Variants in TBC1D22A observed in about 807,000 individuals in gnomAD.
TBC1D22A encodes TBC1 domain family member 22A.
Under a neutral mutation model 60.2 loss-of-function variants are expected in TBC1D22A, and 38 were observed. That is an observed-to-expected ratio of 0.63 (90% CI 0.49 to 0.83). TBC1D22A has a LOEUF of 0.83. Among genes scored for constraint, TBC1D22A ranks in the 40% least tolerant of loss-of-function variants. TBC1D22A has a pLI of 0.00. For missense variants in TBC1D22A, 628 were observed against 701.0 expected (o/e 0.90, Z 1.18); for synonymous variants, 302 against 281.7 (o/e 1.07, Z -0.72).
intron 8 of TBC1D22A, among the ~76,000 whole-genome samples, chr22:46,949,820 G>A (rs2072786972): frequency 6.6e-6 from 1 of 152,228 alleles, no homozygotes; most frequent in African/African-American, 2.4e-5. Flanking sequence ...CAGCAGTGAC[G>A]GGAGTGGTGA....
intron 11 of TBC1D22A, among the ~76,000 whole-genome samples, chr22:47,091,483 G>A (rs1366277965): frequency 6.8e-6 from 1 of 147,652 alleles, no homozygotes; most frequent in Non-Finnish European, 1.5e-5. Flanking sequence ...TTGCTGGGGA[G>A]TGGCCTCGTG....
chr22:47,173,517 A>G lies in TBC1D22A; in HGVS notation c.1445A>G (p.Gln482Arg). ...CCCCAGGAGCTGCTGCTCTTCCTCC[A>G]GAACCTGCCCACAGCCCACTGGGAT... ...KDFQELLLFL[Q>R]NLPTAHWDDE... The change falls in exon 13 of 13, where the codon CAG becomes CGG. Residue 482 changes from glutamine (Q) to arginine (R), a missense_variant. By Grantham distance (43) the Gln-to-Arg change is conservative. Coordinates refer to ENST00000337137, the MANE Select transcript of TBC1D22A (RefSeq NM_014346.5). 1 of 1,614,086 alleles carries G rather than the reference A, an allele frequency of 6.2e-7. No individual in the cohort carries two copies. The highest frequency in any genetic ancestry group is 8.5e-7 in the Non-Finnish European group (1 of 1,179,986).
chr22:46,776,128 A>G (rs1189228490), intron 1 of TBC1D22A, among the ~76,000 whole-genome samples: 1 of 152,190 alleles, frequency 6.6e-6, no homozygotes, highest in Non-Finnish European at 1.5e-5. Flanking sequence ...AGGAAAGGGG[A>G]GTTTTCACTG....
chr22:47,110,307 C>G (rs2065800976), intron 11 of TBC1D22A, among the ~76,000 whole-genome samples: 1 of 152,058 alleles, frequency 6.6e-6, no homozygotes. Flanking sequence ...TGGTGAAACC[C>G]CGTCTCTACT....
intron 10 of TBC1D22A, among the ~76,000 whole-genome samples, chr22:47,006,460 G>A (rs575545778): frequency 2.0e-5 from 3 of 152,276 alleles, no homozygotes; most frequent in East Asian, 3.9e-4. Flanking sequence ...GAGGTTGACC[G>A]CCCTGTAGTT....
At chr22:47,162,003 C>G (rs1266329089) in intron 12 of TBC1D22A, among the ~76,000 whole-genome samples, 1 of 152,218 alleles carries the variant, frequency 6.6e-6, no homozygotes, top group Admixed American at 6.5e-5. Context: ...CCGGACACCT[C>G]TCCTGTTCCT....
chr22:46,941,165 A>G (rs1301806542), intron 8 of TBC1D22A, among the ~76,000 whole-genome samples: 1 of 131,728 alleles, frequency 7.6e-6, no homozygotes, highest in African/African-American at 3.0e-5. Context: ...CTTGAACAGC[A>G]TGGGGACTGG....
intron 11 of TBC1D22A, among the ~76,000 whole-genome samples, chr22:47,061,389 G>T (rs980538024): frequency 1.3e-5 from 2 of 152,000 alleles, no homozygotes; most frequent in Non-Finnish European, 2.9e-5. Flanking sequence ...TGCCTTGGTC[G>T]TGGTCCCTGC....
At position 47,173,619 on chromosome 22, in the gene TBC1D22A, A is replaced by G; in HGVS notation, c.1547A>G (p.Lys516Arg). The G allele has an allele frequency of 1.2e-6, 2 of 1,613,668 alleles. No homozygotes were observed. Among genetic ancestry groups the G allele is most frequent in the Non-Finnish European group, 1.7e-6 (2 of 1,179,826 alleles). ...TTTGCCGACGCCCCCAATCACTACA[A>G]GAAATGAGCCCAGGCCCACCCGCAG... ...FAFADAPNHY[K>R]K The change falls in exon 13 of 13, where the codon AAG becomes AGG. Residue 516 changes from lysine (K) to arginine (R), a missense_variant. Coordinates refer to ENST00000337137, the MANE Select transcript of TBC1D22A (RefSeq NM_014346.5).
chr22:46,797,146 G>T (rs948538850), intron 3 of TBC1D22A, among the ~76,000 whole-genome samples: 3 of 152,220 alleles, frequency 2.0e-5, no homozygotes, highest in African/African-American at 7.2e-5. Context: ...GCCACCCCAG[G>T]CACTGGTGGG....
chr22:46,866,571 G>C (rs142215485), intron 4 of TBC1D22A, among the ~76,000 whole-genome samples: 510 of 152,366 alleles, frequency 3.3e-3, no homozygotes, highest in African/African-American at 0.012. Context: ...AGAAATTTAA[G>C]AATAGATATG....
At chr22:47,003,845 A>G (rs1223141570) in intron 10 of TBC1D22A, among the ~76,000 whole-genome samples, 3 of 143,698 alleles carry the variant, frequency 2.1e-5, no homozygotes, top group African/African-American at 7.9e-5. Flanking sequence ...CACCCTACGC[A>G]CACATGCCTG....
intron 8 of TBC1D22A, among the ~76,000 whole-genome samples, chr22:46,927,917 A>G (rs985217261): frequency 1.3e-5 from 2 of 152,244 alleles, no homozygotes; most frequent in African/African-American, 4.8e-5. Context: ...GTTGAAATAA[A>G]TTAAAGAGGA....
chr22:47,090,524 C>T (rs1463629967), intron 11 of TBC1D22A, among the ~76,000 whole-genome samples: 1 of 152,216 alleles, frequency 6.6e-6, no homozygotes, highest in Admixed American at 6.5e-5. Context: ...AAATGAGCAC[C>T]TGTGTCCCCT....
chr22:46,976,890 G>A (rs2148143127), intron 9 of TBC1D22A, among the ~76,000 whole-genome samples: 1 of 152,342 alleles, frequency 6.6e-6, no homozygotes, highest in Admixed American at 6.5e-5. Flanking sequence ...CTGTGTGCTG[G>A]GGGCTCTTCC....
At position 46,935,046 on chromosome 22, in the gene TBC1D22A, C is replaced by T. The variant is rs76360728; in HGVS notation, c.1015+22858C>T. On this transcript the variant is annotated intron_variant, in intron 8 of 12. Transcript: ENST00000337137. Reference sequence around the variant, plus strand: ...ATAGGGGCCTGGGTGTGCTGGGCTTCCTCTGAGTGTCTCATCATGCAGGTT... The same window carrying T: ...ATAGGGGCCTGGGTGTGCTGGGCTTTCTCTGAGTGTCTCATCATGCAGGTT... 1.8e-3 allele frequency among the ~76,000 whole-genome samples: 276 copies of T among 152,272 alleles called. 1 individual carries two copies. The highest frequency in any genetic ancestry group is 6.5e-3 in the African/African-American group (271 of 41,560).
chr22:47,138,009 A>C (rs1254789146), intron 12 of TBC1D22A, among the ~76,000 whole-genome samples: 1 of 152,174 alleles, frequency 6.6e-6, no homozygotes, highest in East Asian at 1.9e-4. Flanking sequence ...CAAATGCCGG[A>C]GAAACACAGG....
At chr22:47,005,043 AC>A (rs1039339687) in intron 10 of TBC1D22A, among the ~76,000 whole-genome samples, 4 of 150,688 alleles carry the variant, frequency 2.7e-5, no homozygotes, top group Non-Finnish European at 5.9e-5. Context: ...GCCTATACAC[AC>A]CCACCATATA....
In TBC1D22A at chr22:46,867,777, A is replaced by G. The variant is rs565041777; in HGVS notation, c.638-10876A>G. Among the ~76,000 whole-genome samples, 28 of 152,384 alleles carry G rather than the reference A, an allele frequency of 1.8e-4. No homozygotes were observed. In the South Asian group the frequency reaches 5.8e-3, roughly 32 times the overall value. ...GCATGCGATCACAGCAGGGCAAGAAATCACGTCAATTGACAAAATCAAAGA... is the reference window on the plus strand; with the variant it reads ...GCATGCGATCACAGCAGGGCAAGAAGTCACGTCAATTGACAAAATCAAAGA... On this transcript the variant is annotated intron_variant, in intron 4 of 12. Coordinates refer to ENST00000337137, the MANE Select transcript of TBC1D22A (RefSeq NM_014346.5).
Sources: gnomAD v4.1 joint callset for allele counts (sites outside exome capture counted in the v4.1 genomes callset) on GRCh38, gnomAD v4.1.1 for gene constraint, MANE v1.5 for transcripts, NCBI Gene and HGNC (gene_info 2026-07-23, HGNC 2026-07-21) for gene names.